TULP3: variants seen among roughly 807,000 people sequenced by gnomAD.
TULP3 encodes the protein tubby-related protein 3.
TULP3 carries 38 observed loss-of-function variants against 50.7 expected under a neutral mutation model. That is an observed-to-expected ratio of 0.75 (90% CI 0.58 to 0.98). The LOEUF (loss-of-function observed/expected upper bound fraction) is 0.98, where lower values mean the gene tolerates loss of function less well. Among genes scored for constraint, TULP3 ranks in the 50% least tolerant of loss-of-function variants. The pLI, the probability that TULP3 is intolerant of heterozygous loss-of-function variation, is 0.00. For synonymous variants in TULP3, 183 were observed against 196.6 expected, an observed-to-expected ratio of 0.93 and a Z score of 0.58; for missense variants, 550 against 568.0, an observed-to-expected ratio of 0.97 and a Z score of 0.32.
intron 1 of TULP3, among the ~76,000 whole-genome samples, chr12:2,892,458 G>A (rs1603503621): frequency 6.6e-6 from 1 of 151,514 alleles, no homozygotes; most frequent in African/African-American, 2.4e-5. Context: ...AGATTTTTTG[G>A]GGAAAAAAAA....
At chr12:2,920,260 A>C (rs924477892) in intron 2 of TULP3, among the ~76,000 whole-genome samples, 5 of 152,212 alleles carry the variant, frequency 3.3e-5, no homozygotes, top group African/African-American at 1.2e-4. Context: ...CTGTAATCCC[A>C]ACACTTTGGG....
At chr12:2,911,538 TTA>T (rs1203670434) in intron 2 of TULP3, among the ~76,000 whole-genome samples, 10 of 151,312 alleles carry the variant, frequency 6.6e-5, no homozygotes, top group Admixed American at 2.0e-4. Context: ...TTATTTTTTT[TTA>T]ATTTTTACTA....
chr12:2,912,990 T>C (rs1443187120), intron 2 of TULP3, among the ~76,000 whole-genome samples: 2 of 151,490 alleles, frequency 1.3e-5, no homozygotes, highest in East Asian at 3.9e-4. Flanking sequence ...TTTTTCTTCT[T>C]TTGAGACAGT....
chr12:2,927,141 G>A lies in TULP3; in HGVS notation c.395-3107G>A, dbSNP rs148692446. On this transcript the variant is annotated intron_variant, in intron 4 of 10. Coordinates refer to ENST00000448120, the MANE Select transcript of TULP3 (RefSeq NM_003324.5). ...AGAATCATACACTATTTGTCTTTTT[G>A]TGTCTAGTGTTTTACTTGCATAATG... Among the ~76,000 whole-genome samples the A allele has an allele frequency of 3.6e-3, 544 of 152,052 alleles. 1 individual carries two copies. The highest frequency in any genetic ancestry group is 6.4e-3 in the Non-Finnish European group (433 of 67,966).
At chr12:2,897,132 C>T (rs927669363) in intron 1 of TULP3, among the ~76,000 whole-genome samples, 7 of 152,074 alleles carry the variant, frequency 4.6e-5, no homozygotes, top group African/African-American at 1.7e-4. Flanking sequence ...GCCTCAGCCT[C>T]CTGAGTAGGT....
chr12:2,891,775 A>C (rs1435301287), intron 1 of TULP3, among the ~76,000 whole-genome samples: 5 of 152,116 alleles, frequency 3.3e-5, no homozygotes, highest in African/African-American at 1.2e-4. Flanking sequence ...ATTTGGGGCC[A>C]GGCGCCTTGG....
chr12:2,915,945 GC>G (rs2098188401), intron 2 of TULP3, among the ~76,000 whole-genome samples: 1 of 152,166 alleles, frequency 6.6e-6, no homozygotes, highest in African/African-American at 2.4e-5. Flanking sequence ...TGTAACCTTA[GC>G]CCATCACCTC....
intron 1 of TULP3, among the ~76,000 whole-genome samples, chr12:2,896,330 G>A (rs1200636139): frequency 6.6e-6 from 1 of 152,156 alleles, no homozygotes; most frequent in East Asian, 1.9e-4. Flanking sequence ...CCTCCCCAGG[G>A]CTGCTTAAAA....
rs1181734334 is a variant in TULP3, at chr12:2,933,495, A to G, written c.774A>G (p.Leu258=). The part of the protein sequence containing the change: ...NYLISIDPVD[L]SREGESYVGK... ...TTATCTCCATTGATCCAGTTGATTT[A>G]TCTCGTGAAGGAGAAAGTTATGTCG... Residue 258 remains leucine (L), a synonymous_variant, in exon 7 of 11, where the codon TTA becomes TTG. Transcript: ENST00000448120. 4 of 1,614,050 alleles carry G rather than the reference A, an allele frequency of 2.5e-6. No individual in the cohort carries two copies. The highest frequency in any genetic ancestry group is 3.4e-6 in the Non-Finnish European group (4 of 1,179,958).
At chr12:2,935,166 T>C (rs1329494610) in intron 8 of TULP3, among the ~76,000 whole-genome samples, 1 of 152,194 alleles carries the variant, frequency 6.6e-6, no homozygotes, top group Non-Finnish European at 1.5e-5. Context: ...TAGCATTTGC[T>C]TTCAGACTTC....
chr12:2,897,549 T>A (rs991026458), intron 1 of TULP3, among the ~76,000 whole-genome samples: 1 of 151,300 alleles, frequency 6.6e-6, no homozygotes, highest in Non-Finnish European at 1.5e-5. Flanking sequence ...AGGAAGGAGA[T>A]CACTTGAGGC....
rs1388396018 is a variant in TULP3 at position 2,940,531 on chromosome 12, A to G, written c.*1087A>G. 5 of 1,547,560 alleles carry G rather than the reference A, an allele frequency of 3.2e-6. No homozygotes were observed. In the East Asian group the frequency reaches 9.8e-5, roughly 30 times the overall value. On this transcript the variant is annotated 3_prime_UTR_variant, in exon 11 of 11. Coordinates refer to ENST00000448120, the MANE Select transcript of TULP3 (RefSeq NM_003324.5). ...CTTACACCAGTTCACCCTTCCCAGA[A>G]TGTATCCAAACCTTGAGAATGCAGG... is the stretch of plus-strand genomic sequence containing the variant.
Position 2,934,540 on chromosome 12 carries a change from G to A in TULP3, c.903G>A (p.Gln301=). The A allele has an allele frequency of 6.3e-7, 1 of 1,593,444 alleles. No homozygotes were observed. Among genetic ancestry groups the A allele is most frequent in the South Asian group, 1.1e-5 (1 of 87,846 alleles). The change falls in exon 8 of 11, where the codon CAG becomes CAA. Residue 301 remains glutamine, a synonymous_variant. Transcript: ENST00000448120. The part of the protein sequence containing the change: ...RGLVGAAHTR[Q]ELAAISYETN... ...TGGTAGGAGCGGCCCACACCCGGCA[G>A]GAGCTGGCTGCCATCTCCTATGTGA...
chr12:2,897,305 C>T (rs941742160), intron 1 of TULP3, among the ~76,000 whole-genome samples: 1 of 152,060 alleles, frequency 6.6e-6, no homozygotes, highest in Admixed American at 6.6e-5. Flanking sequence ...CCACTACGCC[C>T]AGCCTAAAGA....
rs902672114 is a variant in TULP3, at chr12:2,941,013, C to G, written c.*1569C>G. ...GGTGGACCTCATCCTGCTTCTTCCTCCCTCTGGTTTAAAGAGATATATAAA... is the reference window on the plus strand; with the variant it reads ...GGTGGACCTCATCCTGCTTCTTCCTGCCTCTGGTTTAAAGAGATATATAAA... On this transcript the variant is annotated 3_prime_UTR_variant, in exon 11 of 11. Transcript: ENST00000448120. The G allele has an allele frequency of 2.5e-6, 1 of 396,138 alleles. No homozygotes were observed. The highest frequency in any genetic ancestry group is 6.1e-5 in the South Asian group (1 of 16,458). 24.5% of individuals were successfully genotyped at this position (396,138 alleles called of 1,614,324 possible).
chr12:2,918,572 CTGT>C (rs1475646769), intron 2 of TULP3, among the ~76,000 whole-genome samples: 3 of 151,914 alleles, frequency 2.0e-5, no homozygotes, highest in African/African-American at 4.8e-5. Context: ...TGGAGTTTTG[CTGT>C]TGTTGCACAG....
At chr12:2,938,058 T>G in intron 9 of TULP3, 56 bp from the exon 10 acceptor site, 1 of 1,582,302 alleles carries the variant, frequency 6.3e-7, no homozygotes, top group Non-Finnish European at 8.7e-7. Flanking sequence ...TACTCTACCT[T>G]CTACCTCGTA....
chr12:2,939,286 CAT>C lies in TULP3; in HGVS notation c.1196-24_1196-23del, dbSNP rs1565510482. ...TGAGTGCAACCACATTATATTCTAA[CAT>C]GTTGATTTCTTTCTGTTTCTAGCTG... is the stretch of plus-strand genomic sequence containing the variant. On this transcript the variant is annotated intron_variant, in intron 10 of 10. Transcript: ENST00000448120. The surrounding 1 kb of genome is among the most constrained non-coding windows in gnomAD (Gnocchi z 4.0). 2 of 1,608,186 alleles carry C rather than the reference CAT, an allele frequency of 1.2e-6. No homozygotes were observed. Among genetic ancestry groups the C allele is most frequent in the Admixed American group, 1.7e-5 (1 of 59,234 alleles).
In TULP3 at chr12:2,920,838, C is replaced by G; in HGVS notation, c.169C>G (p.Leu57Val). The G allele has an allele frequency of 6.2e-7, 1 of 1,614,118 alleles. No homozygotes were observed. The highest frequency in any genetic ancestry group is 8.5e-7 in the Non-Finnish European group (1 of 1,180,032). Reference protein sequence around the residue: ...FMVQPNPEARLRRAKPRASDE... With the variant: ...FMVQPNPEARVRRAKPRASDE... The stretch of plus-strand genomic sequence containing the variant: ...GGTGCAGCCCAATCCAGAAGCCAGG[C>G]TACGTCGGGCAAAGCCAAGGGCCAG... Residue 57 changes from leucine to valine, a missense_variant, in exon 3 of 11, where the codon CTA becomes GTA. Leu to Val is a conservative substitution (Grantham distance 32). Coordinates refer to ENST00000448120, the MANE Select transcript of TULP3 (RefSeq NM_003324.5).
Sources: allele counts gnomAD v4.1 joint callset (sites outside exome capture counted in the v4.1 genomes callset), GRCh38; gene constraint gnomAD v4.1.1; non-coding constraint Gnocchi (gnomAD v3.1); transcripts MANE v1.5; gene names NCBI Gene and HGNC (gene_info 2026-07-23, HGNC 2026-07-21).